The following ZNF385D variants were observed in gnomAD, a reference collection of about 807,000 sequenced individuals.
The protein encoded by ZNF385D is zinc finger protein 385D, also known as zinc finger protein 659.
ZNF385D carries 15 observed loss-of-function variants against 35.8 expected under a neutral mutation model. The observed-to-expected ratio is 0.42, with a 90% CI of 0.28 to 0.64. The LOEUF is 0.64. ZNF385D is among the 30% of genes least tolerant of loss of function. ZNF385D has a pLI of 0.23. For missense variants in ZNF385D, 474 were observed against 494.6 expected, an observed-to-expected ratio of 0.96 and a Z score of 0.39; for synonymous variants, 212 against 186.8, an observed-to-expected ratio of 1.13 and a Z score of -1.10.
At chr3:21,905,860 C>T (rs955960483) in intron 3 of ZNF385D, among the ~76,000 whole-genome samples, 3 of 151,938 alleles carry the variant, frequency 2.0e-5, no homozygotes, top group African/African-American at 2.4e-5. Context: ...TCTGGAAAAT[C>T]GTATTTTAAC....
rs556205822 is a variant in ZNF385D, at chr3:21,742,415, C to T, written c.22+8480G>A. On this transcript the variant is annotated intron_variant, in intron 1 of 7. Transcript: ENST00000281523. The stretch of plus-strand genomic sequence containing the variant: ...AAATACTCTCCCATTTAAATTGCTA[C>T]TTATAGATCAGGGGCAAGATCTCTC... Among the ~76,000 whole-genome samples, 8 of 152,362 alleles carry T rather than the reference C, an allele frequency of 5.3e-5. No individual in the cohort carries two copies. The East Asian group carries it at 1.5e-3, about 29-fold the overall frequency.
chr3:21,911,914 CAT>C (rs1278017185), intron 3 of ZNF385D, among the ~76,000 whole-genome samples: 2 of 151,602 alleles, frequency 1.3e-5, no homozygotes, highest in African/African-American at 2.4e-5. Flanking sequence ...ATAATGTAAG[CAT>C]ATATTAATAT....
intron 3 of ZNF385D, among the ~76,000 whole-genome samples, chr3:22,062,339 G>A (rs539789309): frequency 3.3e-5 from 5 of 152,278 alleles, no homozygotes; most frequent in African/African-American, 1.2e-4. Flanking sequence ...ACAGCCGTGA[G>A]TCACTTGCGC....
chr3:21,825,817 T>C (rs1193247015), intron 3 of ZNF385D, among the ~76,000 whole-genome samples: 1 of 152,218 alleles, frequency 6.6e-6, no homozygotes, highest in Non-Finnish European at 1.5e-5. Flanking sequence ...AGTCCCTCGC[T>C]TGTTAGGAAC....
At chr3:22,192,728 T>C (rs1193680445) in intron 2 of ZNF385D, among the ~76,000 whole-genome samples, 3 of 152,130 alleles carry the variant, frequency 2.0e-5, no homozygotes, top group Admixed American at 2.0e-4. Flanking sequence ...TCCAGACCTA[T>C]AGAAAATGTG....
chr3:22,298,724 A>G (rs1412279326), intron 2 of ZNF385D, among the ~76,000 whole-genome samples: 1 of 150,930 alleles, frequency 6.6e-6, no homozygotes, highest in African/African-American at 2.4e-5. Flanking sequence ...AAAAAAAATA[A>G]AATGATCTAA....
At chr3:22,179,364 A>C (rs1281342703) in intron 2 of ZNF385D, among the ~76,000 whole-genome samples, 1 of 152,176 alleles carries the variant, frequency 6.6e-6, no homozygotes, top group Non-Finnish European at 1.5e-5. Flanking sequence ...ATGGGAGTTC[A>C]CTCATGATTT....
chr3:21,565,481 C>T (rs958767652), intron 2 of ZNF385D, among the ~76,000 whole-genome samples: 2 of 152,122 alleles, frequency 1.3e-5, no homozygotes, highest in Admixed American at 1.3e-4. Context: ...TGGGTTCAAG[C>T]AGCCCTCCCA....
At chr3:22,010,965 T>A (rs915824314) in intron 3 of ZNF385D, among the ~76,000 whole-genome samples, 4 of 152,110 alleles carry the variant, frequency 2.6e-5, no homozygotes, top group Admixed American at 2.6e-4. Context: ...GATACATGAA[T>A]ACATGAAATA....
At chr3:22,207,254 C>T (rs528844017) in intron 2 of ZNF385D, among the ~76,000 whole-genome samples, 15 of 151,916 alleles carry the variant, frequency 9.9e-5, no homozygotes, top group Middle Eastern at 3.4e-3. Context: ...GGAACAGATA[C>T]GGTCTAGAAC....
chr3:21,819,593 A>G (rs1177762274), intron 3 of ZNF385D, among the ~76,000 whole-genome samples: 3 of 148,180 alleles, frequency 2.0e-5, no homozygotes, highest in East Asian at 3.9e-4. Context: ...TATGTGCTAC[A>G]TATGTGTGTA....
At chr3:21,965,800 G>A (rs1373297838) in intron 3 of ZNF385D, among the ~76,000 whole-genome samples, 1 of 152,126 alleles carries the variant, frequency 6.6e-6, no homozygotes, top group African/African-American at 2.4e-5. Flanking sequence ...GGATAAAAGG[G>A]CAAAATATTT....
intron 3 of ZNF385D, among the ~76,000 whole-genome samples, chr3:21,907,357 A>G (rs1699733695): frequency 6.6e-6 from 1 of 152,198 alleles, no homozygotes; most frequent in South Asian, 2.1e-4. Context: ...AATTGTTACT[A>G]TAAAATGGCA....
At chr3:21,841,297 T>C (rs1472294843) in intron 3 of ZNF385D, among the ~76,000 whole-genome samples, 1 of 152,008 alleles carries the variant, frequency 6.6e-6, no homozygotes, top group Non-Finnish European at 1.5e-5. Context: ...CACTGATGGG[T>C]GTTCAGATTA....
chr3:22,012,345 C>T (rs1361992004), intron 3 of ZNF385D, among the ~76,000 whole-genome samples: 1 of 152,042 alleles, frequency 6.6e-6, no homozygotes, highest in Admixed American at 6.5e-5. Flanking sequence ...TTGGTCGATC[C>T]TAAGGACATA....
chr3:22,210,200 T>C (rs941361782), intron 2 of ZNF385D, among the ~76,000 whole-genome samples: 1 of 151,904 alleles, frequency 6.6e-6, no homozygotes, highest in African/African-American at 2.4e-5. Flanking sequence ...GAGAGCTGCA[T>C]TAATAATCAT....
chr3:21,501,927 C>T (rs1706398024), intron 4 of ZNF385D, among the ~76,000 whole-genome samples: 1 of 152,112 alleles, frequency 6.6e-6, no homozygotes. Flanking sequence ...CTTAGGTGTT[C>T]AGCTTTTCAG....
chr3:22,281,093 A>G (rs2728968), intron 2 of ZNF385D, among the ~76,000 whole-genome samples: 85,677 of 151,866 alleles, frequency 0.56, 26,305 homozygotes, highest in African/African-American at 0.83. Flanking sequence ...TTTGTACCCC[A>G]AAACTTTACT....
At chr3:21,824,230 C>T (rs1368775016) in intron 3 of ZNF385D, among the ~76,000 whole-genome samples, 1 of 152,140 alleles carries the variant, frequency 6.6e-6, no homozygotes, top group Non-Finnish European at 1.5e-5. Context: ...CTGCCCCTCA[C>T]ATTGTTTAAA....
Sources: gnomAD v4.1 joint callset for allele counts (sites outside exome capture counted in the v4.1 genomes callset) on GRCh38, gnomAD v4.1.1 for gene constraint, MANE v1.5 for transcripts, NCBI Gene and HGNC (gene_info 2026-07-23, HGNC 2026-07-21) for gene names.